FSTL4: variants seen among roughly 807,000 people sequenced by gnomAD.
FSTL4 encodes follistatin-related protein 4.
In FSTL4, 28 loss-of-function variants were observed where a neutral mutation model predicts 78.2. The ratio of observed to expected loss-of-function variants is 0.36; its 90% CI spans 0.27 to 0.49. FSTL4 has a LOEUF of 0.49. FSTL4 is among the 20% of genes least tolerant of loss of function. The pLI is 0.98. For synonymous variants in FSTL4, 422 were observed against 440.5 expected (o/e 0.96, Z 0.53); for missense variants, 922 against 1,084.9 (o/e 0.85, Z 2.11).
the FSTL4 span, among the ~76,000 whole-genome samples, chr5:133,739,455 GA>G: frequency 1.3e-5 from 2 of 152,102 alleles, no homozygotes; most frequent in Non-Finnish European, 2.9e-5. Flanking sequence ...GGGTCTTTGG[GA>G]AAATCTGTGT....
intron 4 of FSTL4, among the ~76,000 whole-genome samples, chr5:133,387,190 C>G (rs1430459397): frequency 6.6e-6 from 1 of 152,200 alleles, no homozygotes; most frequent in Non-Finnish European, 1.5e-5. Context: ...TCAAGCCCCA[C>G]TCCCTGACAA....
At chr5:133,653,511 C>G in the FSTL4 span, among the ~76,000 whole-genome samples, 1 of 152,194 alleles carries the variant, frequency 6.6e-6, no homozygotes. Context: ...CATCTTCTTC[C>G]TCCCGCTGAG....
chr5:133,829,311 G>T, the FSTL4 span, among the ~76,000 whole-genome samples: 4 of 152,126 alleles, frequency 2.6e-5, no homozygotes, highest in Admixed American at 2.6e-4. Flanking sequence ...CGCTTGAACC[G>T]GGAGGCAGAG....
chr5:133,501,863 T>G (rs1354678180), intron 3 of FSTL4, among the ~76,000 whole-genome samples: 1 of 152,180 alleles, frequency 6.6e-6, no homozygotes, highest in Non-Finnish European at 1.5e-5. Flanking sequence ...GCCATTGGTG[T>G]GGGCCCTAAT....
chr5:133,533,154 C>A (rs1404867984), intron 3 of FSTL4, among the ~76,000 whole-genome samples: 4 of 152,196 alleles, frequency 2.6e-5, no homozygotes, highest in Non-Finnish European at 4.4e-5. Flanking sequence ...CTTTCACAAT[C>A]TACATGATGT....
At chr5:133,797,434 T>C in the FSTL4 span, among the ~76,000 whole-genome samples, 1 of 152,256 alleles carries the variant, frequency 6.6e-6, no homozygotes, top group Non-Finnish European at 1.5e-5. Flanking sequence ...TTGCCTTGCA[T>C]GGCCTTAGAT....
intron 3 of FSTL4, among the ~76,000 whole-genome samples, chr5:133,421,941 A>G (rs190578010): frequency 2.0e-5 from 3 of 152,306 alleles, no homozygotes; most frequent in Admixed American, 2.0e-4. Context: ...AAGAAAACTA[A>G]AAAAGGAGAT....
chr5:133,359,251 T>C (rs1755016064), intron 4 of FSTL4, among the ~76,000 whole-genome samples: 2 of 152,228 alleles, frequency 1.3e-5, no homozygotes, highest in South Asian at 4.1e-4. Context: ...TGGGACAGAT[T>C]CCTGGCAGTA....
the FSTL4 span, among the ~76,000 whole-genome samples, chr5:133,638,749 C>T: frequency 5.2e-4 from 79 of 152,154 alleles, 1 homozygote; most frequent in Admixed American, 1.2e-3. Flanking sequence ...TATCTTCCCA[C>T]TGACATATAA....
chr5:133,623,503 A>G, the FSTL4 span, among the ~76,000 whole-genome samples: 1 of 152,154 alleles, frequency 6.6e-6, no homozygotes, highest in African/African-American at 2.4e-5. Flanking sequence ...CTGACTTAAA[A>G]TTGAATTATG....
the FSTL4 span, among the ~76,000 whole-genome samples, chr5:133,740,079 T>G: frequency 6.6e-6 from 1 of 152,100 alleles, no homozygotes; most frequent in Admixed American, 6.5e-5. Flanking sequence ...GACAGGGTTT[T>G]GCCATGTTGC....
chr5:133,818,757 T>C, the FSTL4 span, among the ~76,000 whole-genome samples: 1 of 150,866 alleles, frequency 6.6e-6, no homozygotes, highest in Non-Finnish European at 1.5e-5. Flanking sequence ...CCCCTACACC[T>C]TCCCCTGCCT....
At chr5:133,799,079 A>G in the FSTL4 span, among the ~76,000 whole-genome samples, 1 of 134,754 alleles carries the variant, frequency 7.4e-6, no homozygotes, top group Non-Finnish European at 1.7e-5. Flanking sequence ...AGGAAAGGAA[A>G]GAAGGAGGGA....
At chr5:133,374,665 G>C (rs1156654848) in intron 4 of FSTL4, among the ~76,000 whole-genome samples, 3 of 151,780 alleles carry the variant, frequency 2.0e-5, no homozygotes, top group African/African-American at 7.3e-5. Flanking sequence ...TAGTTCACAA[G>C]GATGGAGTCC....
intron 13 of FSTL4, among the ~76,000 whole-genome samples, chr5:133,213,505 G>A (rs1224043648): frequency 1.3e-5 from 2 of 152,192 alleles, no homozygotes; most frequent in Non-Finnish European, 2.9e-5. Flanking sequence ...GTAAGGGGGA[G>A]GAGGGTTGAA....
At chr5:133,732,572 C>T in the FSTL4 span, among the ~76,000 whole-genome samples, 1 of 152,176 alleles carries the variant, frequency 6.6e-6, no homozygotes, top group African/African-American at 2.4e-5. Context: ...CGAAAACTAC[C>T]ATCTCACCAG....
chr5:133,806,207 A>T, the FSTL4 span, among the ~76,000 whole-genome samples: 1 of 152,094 alleles, frequency 6.6e-6, no homozygotes, highest in African/African-American at 2.4e-5. Context: ...AATCTAATGG[A>T]GTCGTTCTTT....
At chr5:133,543,968 C>G (rs1025562970) in intron 3 of FSTL4, among the ~76,000 whole-genome samples, 5 of 151,956 alleles carry the variant, frequency 3.3e-5, no homozygotes, top group African/African-American at 1.2e-4. Context: ...ACCCTCTATA[C>G]TTATCAAAAT....
At chr5:133,340,281 T>A (rs1339945361) in intron 4 of FSTL4, among the ~76,000 whole-genome samples, 1 of 152,166 alleles carries the variant, frequency 6.6e-6, no homozygotes, top group African/African-American at 2.4e-5. Context: ...AGAAATACTC[T>A]TTGAATTTTA....
Sources: gnomAD v4.1 joint callset for allele counts (sites outside exome capture counted in the v4.1 genomes callset) on GRCh38, gnomAD v4.1.1 for gene constraint, MANE v1.5 for transcripts, NCBI Gene and HGNC (gene_info 2026-07-23, HGNC 2026-07-21) for gene names.